HDLBP: variants seen among roughly 807,000 people sequenced by gnomAD.
The protein encoded by HDLBP is high density lipoprotein binding protein, also known as vigilin.
Under a neutral mutation model 137.3 loss-of-function variants are expected in HDLBP, and 30 were observed. The ratio of observed to expected loss-of-function variants is 0.22; its 90% CI spans 0.16 to 0.30. HDLBP has a LOEUF of 0.30. Among genes scored for constraint, HDLBP ranks in the 10% least tolerant of loss-of-function variants. HDLBP has a pLI of 1.00. For missense variants in HDLBP, 1,119 were observed against 1,667.3 expected, an observed-to-expected ratio of 0.67 and a Z score of 5.73; for synonymous variants, 606 against 596.0, an observed-to-expected ratio of 1.02 and a Z score of -0.24.
intron 5 of HDLBP, among the ~76,000 whole-genome samples, chr2:241,259,240 C>T (rs960102738): frequency 2.0e-5 from 3 of 152,156 alleles, no homozygotes; most frequent in Non-Finnish European, 2.9e-5. Context: ...CTGTATTTTG[C>T]TTCTGCTCTC....
chr2:241,267,713 G>C lies in HDLBP; in HGVS notation c.-38+764C>G, dbSNP rs958206947. 3 of 1,534,766 alleles carry C rather than the reference G, an allele frequency of 2.0e-6. No homozygotes were observed. In the South Asian group the frequency reaches 3.6e-5, roughly 18 times the overall value. ...CCAGGTGGTTATAAGTGGTAGCTGCGTGACAGGAAAAAGCAGCCTCAGTGC... is the reference window on the plus strand; with the variant it reads ...CCAGGTGGTTATAAGTGGTAGCTGCCTGACAGGAAAAAGCAGCCTCAGTGC... On this transcript the variant is annotated intron_variant, in intron 2 of 27. Coordinates refer to ENST00000310931, the MANE Select transcript of HDLBP (RefSeq NM_005336.6).
chr2:241,254,442 T>C (rs13387466), intron 9 of HDLBP, among the ~76,000 whole-genome samples: 59 of 152,236 alleles, frequency 3.9e-4, no homozygotes, highest in African/African-American at 1.3e-3. Context: ...ACGCTTTAAA[T>C]TCACACTTAA....
intron 1 of HDLBP, among the ~76,000 whole-genome samples, chr2:241,289,327 T>C (rs1253012808): frequency 6.6e-6 from 1 of 152,192 alleles, no homozygotes; most frequent in African/African-American, 2.4e-5. Context: ...AGGTACTCTC[T>C]TCCTATCAGT....
chr2:241,307,140 C>G (rs906530213), intron 1 of HDLBP, among the ~76,000 whole-genome samples: 3 of 152,138 alleles, frequency 2.0e-5, no homozygotes, highest in South Asian at 2.1e-4. Context: ...TTTGTTGAGT[C>G]AGGGAGAAAT....
At chr2:241,234,502 A>G (rs2149347377) in intron 23 of HDLBP, among the ~76,000 whole-genome samples, 1 of 152,312 alleles carries the variant, frequency 6.6e-6, no homozygotes, top group Non-Finnish European at 1.5e-5. Context: ...ACCAGACTCG[A>G]CGTGCTCACG....
chr2:241,239,477 T>C lies in HDLBP; in HGVS notation c.2610+125A>G. On this transcript the variant is annotated intron_variant, in intron 19 of 27. Coordinates refer to ENST00000310931, the MANE Select transcript of HDLBP (RefSeq NM_005336.6). This position sits in a 1 kb window ranked among gnomAD's most constrained non-coding sequence, Gnocchi z 4.6. ...GAAGAGCGAGCACCAGAAAGCCCCT[T>C]CTGAAGCCTTCCAGGGCTGTATGAG... The C allele has an allele frequency of 2.7e-6, 2 of 737,876 alleles. No individual in the cohort carries two copies. Among genetic ancestry groups the C allele is most frequent in the Non-Finnish European group, 4.5e-6 (2 of 440,156 alleles). The allele number at this position is 737,876 out of a possible 1,614,324, so 45.7% of individuals were successfully genotyped here. A position where few individuals can be genotyped will look rare whatever the true frequency, so the allele number is the denominator to read the frequency against.
At position 241,272,701 on chromosome 2, in the gene HDLBP, A is replaced by AGCCC. The variant is rs1160192672; in HGVS notation, c.-102-4164_-102-4161dup. 1.7e-6 allele frequency: 1 copy of AGCCC among 583,070 alleles called. No individual in the cohort carries two copies. The highest frequency in any genetic ancestry group is 2.0e-6 in the Non-Finnish European group (1 of 510,288). The allele number at this position is 583,070 out of a possible 1,614,324, so 36.1% of individuals were successfully genotyped here. A position where few individuals can be genotyped will look rare whatever the true frequency, so the allele number is the denominator to read the frequency against. ...GCCACCCCCCACCCCCCCGCCCGGCAGCCCGCCCGCCCCGTCCGCCCGCCC... is the reference window on the plus strand; with the variant it reads ...GCCACCCCCCACCCCCCCGCCCGGCAGCCCGCCCGCCCGCCCCGTCCGCCCGCCC... On this transcript the variant is annotated intron_variant, in intron 1 of 27. Transcript: ENST00000310931. This position sits in a 1 kb window ranked among gnomAD's most constrained non-coding sequence, Gnocchi z 5.6.
In HDLBP at chr2:241,248,042, T is replaced by G; in HGVS notation, c.1692A>C (p.Glu564Asp). The G allele has an allele frequency of 6.2e-7, 1 of 1,614,104 alleles. No individual in the cohort carries two copies. Among genetic ancestry groups the G allele is most frequent in the Non-Finnish European group, 8.5e-7 (1 of 1,179,956 alleles). Residue 564 changes from glutamate to aspartate, a missense_variant, in exon 14 of 28, where the codon GAA (glutamate) becomes GAC (aspartate). Glu to Asp is a conservative substitution (Grantham distance 45, BLOSUM62 2). Around this residue, in one of 4 missense-constraint regions of HDLBP, gnomAD observed 425 missense variants for 693.9 expected, o/e 0.61. Coordinates refer to ENST00000310931, the MANE Select transcript of HDLBP (RefSeq NM_005336.6). Reference sequence around the variant, plus strand: ...TCTTCTGCATGTATTTTGTGCATTTTTCCACCTCATTCTTAGGTCCTCTGA... The same window carrying G: ...TCTTCTGCATGTATTTTGTGCATTTGTCCACCTCATTCTTAGGTCCTCTGA... Reference protein sequence around the residue: ...VQLRGPKNEVEKCTKYMQKMV... With the variant: ...VQLRGPKNEVDKCTKYMQKMV...
chr2:241,263,575 A>C (rs1254046377), intron 4 of HDLBP, among the ~76,000 whole-genome samples: 1 of 152,194 alleles, frequency 6.6e-6, no homozygotes, highest in East Asian at 1.9e-4. Flanking sequence ...TTAACAAGAT[A>C]GCAGACAGGT....
rs1375448754 is a variant in HDLBP at position 241,239,103 on chromosome 2, AGGGAAAGGG to A, written c.2611-325_2611-317del. Among the ~76,000 whole-genome samples the A allele has an allele frequency of 4.6e-5, 7 of 152,116 alleles. No individual in the cohort carries two copies. The highest frequency in any genetic ancestry group is 8.8e-5 in the Non-Finnish European group (6 of 68,002). Reference sequence around the variant, plus strand: ...TGAGGAGGCATCAGACTTGATTATTAGGGAAAGGGAATCCAAGGCCCTGGCAGGGGAGTG... The same window carrying A: ...TGAGGAGGCATCAGACTTGATTATTAAATCCAAGGCCCTGGCAGGGGAGTG... On this transcript the variant is annotated intron_variant, in intron 19 of 27. Transcript: ENST00000310931. The surrounding 1 kb of genome is among the most constrained non-coding windows in gnomAD (Gnocchi z 4.6).
intron 1 of HDLBP, among the ~76,000 whole-genome samples, chr2:241,294,706 T>C (rs1439226681): frequency 6.6e-6 from 1 of 152,202 alleles, no homozygotes; most frequent in Non-Finnish European, 1.5e-5. Context: ...ACGAGCCTAA[T>C]TAATTGATCA....
In HDLBP at chr2:241,239,514, C is replaced by T; in HGVS notation, c.2610+88G>A. On this transcript the variant is annotated intron_variant, in intron 19 of 27. Transcript: ENST00000310931. The surrounding 1 kb of genome is among the most constrained non-coding windows in gnomAD (Gnocchi z 4.6). Reference sequence around the variant, plus strand: ...CAGGGCTGTATGAGGGAGTCACCTCCCTACAGGGTGGAGCGAACACTCATA... The same window carrying T: ...CAGGGCTGTATGAGGGAGTCACCTCTCTACAGGGTGGAGCGAACACTCATA... 9.2e-7 allele frequency: 1 copy of T among 1,087,302 alleles called. No homozygotes were observed. Among genetic ancestry groups the T allele is most frequent in the South Asian group, 1.4e-5 (1 of 72,472 alleles). The allele number at this position is 1,087,302 out of a possible 1,614,324, so 67.4% of individuals were successfully genotyped here.
chr2:241,235,715 C>A, intron 21 of HDLBP, 121 bp from the exon 22 acceptor site: 1 of 656,950 alleles, frequency 1.5e-6, no homozygotes, highest in East Asian at 2.6e-5. Context: ...CAATGTGCCC[C>A]ACCCGACAAT....
At position 241,255,357 on chromosome 2, in the gene HDLBP, T is replaced by C. The variant is rs770217348; in HGVS notation, c.1080+17A>G. 4 of 1,609,898 alleles carry C rather than the reference T, an allele frequency of 2.5e-6. No individual in the cohort carries two copies. In the South Asian group the frequency reaches 3.3e-5, roughly 13 times the overall value. ...CTCCACTCAAAGGAGACACACTTCA[T>C]GCTCGGAGGCAGTTACCTTGGCATA... On this transcript the variant is annotated intron_variant, in intron 8 of 27. Coordinates refer to ENST00000310931, the MANE Select transcript of HDLBP (RefSeq NM_005336.6).
intron 1 of HDLBP, among the ~76,000 whole-genome samples, chr2:241,284,261 A>G (rs945270442): frequency 6.6e-6 from 1 of 152,250 alleles, no homozygotes; most frequent in Non-Finnish European, 1.5e-5. Context: ...GATTTGGGCA[A>G]AGTCCATTGA....
chr2:241,241,614 A>C (rs2071244278), intron 17 of HDLBP, among the ~76,000 whole-genome samples: 1 of 146,336 alleles, frequency 6.8e-6, no homozygotes, highest in Non-Finnish European at 1.5e-5. Flanking sequence ...TCCACAAAAC[A>C]GTGACTGGCG....
intron 1 of HDLBP, chr2:241,271,131 T>A: frequency 1.0e-6 from 1 of 985,414 alleles, no homozygotes; most frequent in Non-Finnish European, 1.2e-6. Flanking sequence ...TTCTGGTAGG[T>A]GAGCCCTATC....
intron 1 of HDLBP, among the ~76,000 whole-genome samples, chr2:241,279,045 A>T (rs115140256): frequency 0.022 from 2,467 of 111,642 alleles, 43 homozygotes; most frequent in African/African-American, 0.057. Context: ...CTCTAAAAAA[A>T]TTTTTTAAAA....
chr2:241,311,239 C>T (rs556997383), intron 1 of HDLBP, among the ~76,000 whole-genome samples: 4 of 152,298 alleles, frequency 2.6e-5, no homozygotes, highest in South Asian at 2.1e-4. Flanking sequence ...AGAATCAGAA[C>T]GGCTTAAGAC....
Sources: allele counts gnomAD v4.1 joint callset (sites outside exome capture counted in the v4.1 genomes callset), GRCh38; gene constraint gnomAD v4.1.1; regional missense constraint gnomAD v4.1.1; non-coding constraint Gnocchi (gnomAD v3.1); transcripts MANE v1.5; gene names NCBI Gene and HGNC (gene_info 2026-07-23, HGNC 2026-07-21).